CAPN15: variants seen among roughly 807,000 people sequenced by gnomAD.
CAPN15 encodes the protein calpain-15.
In CAPN15, 53 loss-of-function variants were observed where a neutral mutation model predicts 97.9. The observed-to-expected ratio is 0.54, with a 90% CI of 0.43 to 0.68. The LOEUF (loss-of-function observed/expected upper bound fraction) is 0.68. Among genes scored for constraint, CAPN15 ranks in the 30% least tolerant of loss-of-function variants. CAPN15 has a pLI of 0.00. For missense variants in CAPN15, 1,592 were observed against 1,589.8 expected (o/e 1.00, Z -0.02); for synonymous variants, 922 against 722.5 (o/e 1.28, Z -4.43).
chr16:545,905 G>A (rs1412023184), intron 3 of CAPN15, among the ~76,000 whole-genome samples: 5 of 152,254 alleles, frequency 3.3e-5, no homozygotes, highest in Admixed American at 1.3e-4. Context: ...AGGTGCGGCC[G>A]GGAGCCCGCC....
rs1366435429 is a variant in CAPN15 at position 548,101 on chromosome 16, T to C, written c.1263T>C (p.Cys421=). 6.5e-7 allele frequency: 1 copy of C among 1,541,380 alleles called. No homozygotes were observed. Among genetic ancestry groups the C allele is most frequent in the Admixed American group, 1.9e-5 (1 of 52,002 alleles). Residue 421 remains cysteine, a synonymous_variant, in exon 4 of 14, where the codon TGT becomes TGC. Coordinates refer to ENST00000219611, the MANE Select transcript of CAPN15 (RefSeq NM_005632.3). ...CGGGCCAGTGGGCCTGCCCTGCCTG[T>C]ACCCTGCTCAACGCACTGCGGGCCA... ...ERPGQWACPA[C]TLLNALRAKH...
At chr16:533,748 C>T (rs2033443504) in intron 1 of CAPN15, among the ~76,000 whole-genome samples, 198 bp from the exon 2 acceptor site, 1 of 152,216 alleles carries the variant, frequency 6.6e-6, no homozygotes, top group African/African-American at 2.4e-5. Flanking sequence ...GCCCCTGCTG[C>T]TCCCCGGGCT....
Position 552,327 on chromosome 16 carries a change from T to C in CAPN15, c.2534T>C (p.Leu845Pro), listed in dbSNP as rs770963851. 1.3e-6 allele frequency: 2 copies of C among 1,580,656 alleles called. No individual in the cohort carries two copies. The highest frequency in any genetic ancestry group is 3.6e-5 in the Admixed American group (2 of 56,228). The change falls in exon 11 of 14, where the codon CTG becomes CCG. Residue 845 changes from leucine (L) to proline (P), a missense_variant. Transcript: ENST00000219611. The surrounding 1 kb of genome is among the most constrained non-coding windows in gnomAD (Gnocchi z 6.4). The stretch of plus-strand genomic sequence containing the variant: ...CGCTCGGACGCCGTGGACAGCCACC[T>C]GCTGGACCTGTGCATCCTGGTGTTC... ...SRRSDAVDSH[L>P]LDLCILVFRA...
At chr16:532,215 A>T (rs1394083347) in intron 1 of CAPN15, among the ~76,000 whole-genome samples, 2 of 148,626 alleles carry the variant, frequency 1.3e-5, no homozygotes, top group African/African-American at 5.0e-5. Flanking sequence ...ACTCCAGCCT[A>T]GGCGACAGAG....
Position 548,280 on chromosome 16 carries a change from G to A in CAPN15, c.1442G>A (p.Cys481Tyr). The stretch of plus-strand genomic sequence containing the variant: ...CTCTGGGAGAACATCGTGGCCTTCT[G>A]CCGGGAGGTGAGGCGCCCCCTCGCC... ...KALWENIVAF[C>Y]RENNVSFVDD... is the part of the protein sequence containing the mutation. The change falls in exon 4 of 14, where the codon TGC becomes TAC. Residue 481 changes from cysteine to tyrosine, a missense_variant. This residue lies in a region of CAPN15 where 883 missense variants were observed against 776.6 expected (regional missense o/e 1.14). Coordinates refer to ENST00000219611, the MANE Select transcript of CAPN15 (RefSeq NM_005632.3). 1 of 1,504,850 alleles carries A rather than the reference G, an allele frequency of 6.6e-7. No individual in the cohort carries two copies. Among genetic ancestry groups the A allele is most frequent in the Admixed American group, 2.4e-5 (1 of 42,006 alleles). 93.2% of individuals were successfully genotyped at this position (1,504,850 alleles called of 1,614,324 possible).
chr16:548,948 G>A (rs773293474), intron 4 of CAPN15, 45 bp from the exon 5 acceptor site: 12 of 1,584,024 alleles, frequency 7.6e-6, no homozygotes, highest in East Asian at 6.7e-5. Flanking sequence ...CAGGTGGAGC[G>A]AGGCCACCCT....
At chr16:529,318 C>G (rs1044309672) in intron 1 of CAPN15, among the ~76,000 whole-genome samples, 1 of 152,126 alleles carries the variant, frequency 6.6e-6, no homozygotes, top group Non-Finnish European at 1.5e-5. Flanking sequence ...GGCTGGTCCC[C>G]TGTAATGCTG....
chr16:551,578 A>G lies in CAPN15; in HGVS notation c.2259A>G (p.Pro753=). The change falls in exon 9 of 14, where the codon CCA becomes CCG. Residue 753 remains proline, a synonymous_variant. Coordinates refer to ENST00000219611, the MANE Select transcript of CAPN15 (RefSeq NM_005632.3). The part of the protein sequence containing the change: ...SWNGSWSDEW[P]HWPGHLRGEL... The stretch of plus-strand genomic sequence containing the variant: ...ACGGCAGCTGGTCCGACGAGTGGCC[A>G]CACTGGCCGGGGCACCTGCGTGGCG... 1 of 1,611,088 alleles carries G rather than the reference A, an allele frequency of 6.2e-7. No individual in the cohort carries two copies. The highest frequency in any genetic ancestry group is 8.5e-7 in the Non-Finnish European group (1 of 1,179,514).
intron 7 of CAPN15, 64 bp from the exon 8 acceptor site, chr16:551,238 C>G: frequency 1.3e-6 from 2 of 1,498,700 alleles, no homozygotes; most frequent in South Asian, 1.2e-5. Context: ...AGTGAGGGTC[C>G]CCGGTCGGTG....
At chr16:529,247 A>G (rs1166085751) in intron 1 of CAPN15, among the ~76,000 whole-genome samples, 2 of 152,138 alleles carry the variant, frequency 1.3e-5, no homozygotes, top group Non-Finnish European at 2.9e-5. Flanking sequence ...CAGTAACTGC[A>G]TAACTGCGCA....
rs146988309 is a variant in CAPN15 at position 552,481 on chromosome 16, C to T, written c.2688C>T (p.Cys896=). The T allele has an allele frequency of 3.9e-4, 627 of 1,608,520 alleles. 1 individual carries two copies. Among genetic ancestry groups the T allele is most frequent in the East Asian group, 6.7e-4 (30 of 44,848 alleles). Residue 896 remains cysteine (C), a synonymous_variant, in exon 11 of 14, where the codon TGC becomes TGT. Coordinates refer to ENST00000219611, the MANE Select transcript of CAPN15 (RefSeq NM_005632.3). The surrounding 1 kb of genome is among the most constrained non-coding windows in gnomAD (Gnocchi z 6.4). ...LEPGEYAVVC[C]AFNHWGPPLP... is the part of the protein sequence containing the mutation. ...CTGGCGAGTACGCTGTGGTGTGCTG[C>T]GCCTTCAACCACTGGGGGCCGCCCC... is the stretch of plus-strand genomic sequence containing the variant.
At chr16:551,881 G>C in intron 9 of CAPN15, 170 bp from the exon 10 acceptor site, 1 of 977,690 alleles carries the variant, frequency 1.0e-6, no homozygotes, top group Non-Finnish European at 1.6e-6. Context: ...GCCCTGGAGG[G>C]CTTCCTATTA....
rs1301817348 is a variant in CAPN15 at position 536,016 on chromosome 16, C to CA, written c.-136-13_-136-12insA. 1.5e-5 allele frequency: 4 copies of CA among 260,766 alleles called. No homozygotes were observed. The highest frequency in any genetic ancestry group is 1.7e-4 in the South Asian group (1 of 5,914). The allele number at this position is 260,766 out of a possible 1,614,324, so 16.2% of individuals were successfully genotyped here. The stretch of plus-strand genomic sequence containing the variant: ...GTGCCCCTGCACGCCCCCCCCCCCC[C>CA]CCGGTTATTCAGACAGGGAGCCAGG... On this transcript the variant is annotated splice_polypyrimidine_tract_variant and intron_variant, in intron 2 of 13. Coordinates refer to ENST00000219611, the MANE Select transcript of CAPN15 (RefSeq NM_005632.3).
chr16:543,992 GCGGCCGGC>G (rs2034347847), intron 3 of CAPN15, among the ~76,000 whole-genome samples: 2 of 149,330 alleles, frequency 1.3e-5, no homozygotes, highest in African/African-American at 2.5e-5. Context: ...ATGCGGCCAT[GCGGCCGGC>G]GTGGGGCTGA....
Position 549,386 on chromosome 16 carries a change from G to A in CAPN15, c.1757G>A (p.Arg586Gln), listed in dbSNP as rs759588031. ...SLCAEGAYQV[R>Q]LCKDGTWTTV... is the part of the protein sequence containing the mutation. Reference sequence around the variant, plus strand: ...TGTGCAGAGGGCGCCTACCAGGTGCGGCTGTGCAAGGACGGCACGTGGACC... The same window carrying A: ...TGTGCAGAGGGCGCCTACCAGGTGCAGCTGTGCAAGGACGGCACGTGGACC... Residue 586 changes from arginine to glutamine, a missense_variant, in exon 6 of 14, where the codon CGG becomes CAG. Physicochemically the swap from Arg to Gln is conservative, Grantham distance 43. Coordinates refer to ENST00000219611, the MANE Select transcript of CAPN15 (RefSeq NM_005632.3). 9 of 1,598,878 alleles carry A rather than the reference G, an allele frequency of 5.6e-6. No homozygotes were observed. The highest frequency in any genetic ancestry group is 1.7e-4 in the Middle Eastern group (1 of 6,002).
rs566584613 is a variant in CAPN15, at chr16:548,304, C to A, written c.1449+17C>A. On this transcript the variant is annotated intron_variant, in intron 4 of 13. Transcript: ENST00000219611. ...TGCCGGGAGGTGAGGCGCCCCCTCGCCCTCTTCCTGCTCCTGAGCCTCCTG... is the reference window on the plus strand; with the variant it reads ...TGCCGGGAGGTGAGGCGCCCCCTCGACCTCTTCCTGCTCCTGAGCCTCCTG... 12 of 1,458,204 alleles carry A rather than the reference C, an allele frequency of 8.2e-6. No homozygotes were observed. In the South Asian group the frequency reaches 1.4e-4, roughly 17 times the overall value. 90.3% of individuals were successfully genotyped at this position (1,458,204 alleles called of 1,614,324 possible).
intron 1 of CAPN15, among the ~76,000 whole-genome samples, chr16:530,122 G>A (rs2141942311): frequency 6.6e-6 from 1 of 152,338 alleles, no homozygotes; most frequent in Non-Finnish European, 1.5e-5. Context: ...TGGAGCCACT[G>A]GCCTCTCATG....
intron 1 of CAPN15, among the ~76,000 whole-genome samples, chr16:532,623 G>T (rs1473888859): frequency 6.6e-6 from 1 of 151,974 alleles, no homozygotes; most frequent in Non-Finnish European, 1.5e-5. Flanking sequence ...GGTCAAGGCG[G>T]GTGGATCACC....
At chr16:548,440 C>A (rs1380647682) in intron 4 of CAPN15, among the ~76,000 whole-genome samples, 153 bp downstream of exon 4, 1 of 152,230 alleles carries the variant, frequency 6.6e-6, no homozygotes, top group East Asian at 1.9e-4. Flanking sequence ...AGGCTCCAAG[C>A]TCCCAATGGC....
Sources: gnomAD v4.1 joint callset for allele counts (sites outside exome capture counted in the v4.1 genomes callset) on GRCh38, gnomAD v4.1.1 for gene constraint, gnomAD v4.1.1 regional missense constraint, Gnocchi (gnomAD v3.1) non-coding constraint, MANE v1.5 for transcripts, NCBI Gene and HGNC (gene_info 2026-07-23, HGNC 2026-07-21) for gene names.